The following PTPRA variants were observed in gnomAD, a reference collection of about 807,000 sequenced individuals.
PTPRA encodes protein tyrosine phosphatase receptor type A.
Under a neutral mutation model 104.8 loss-of-function variants are expected in PTPRA, and 25 were observed. The observed-to-expected ratio is 0.24, with a 90% CI of 0.17 to 0.33. The LOEUF (loss-of-function observed/expected upper bound fraction) is 0.33. Ranked by LOEUF, PTPRA falls within the 10% of genes least tolerant of loss-of-function variation. The probability of loss-of-function intolerance (pLI) is 1.00; values close to 1 mark genes in which losing one functional copy is unlikely to be tolerated. For missense variants in PTPRA, 765 were observed against 1,015.3 expected (o/e 0.75, Z 3.35); for synonymous variants, 323 against 368.9 (o/e 0.88, Z 1.43).
chr20:2,937,492 C>G (rs2060748454), intron 2 of PTPRA, among the ~76,000 whole-genome samples: 1 of 152,108 alleles, frequency 6.6e-6, no homozygotes, highest in Non-Finnish European at 1.5e-5. Flanking sequence ...ACTTCAGGGA[C>G]TGCTATAATT....
chr20:3,016,038 T>G (rs1469451915), intron 12 of PTPRA, among the ~76,000 whole-genome samples, 153 bp downstream of exon 12: 7 of 152,216 alleles, frequency 4.6e-5, no homozygotes, highest in Non-Finnish European at 8.8e-5. Flanking sequence ...TTATACAGGT[T>G]TACAGCTAAC....
intron 6 of PTPRA, among the ~76,000 whole-genome samples, chr20:2,979,400 T>A (rs578184006): frequency 2.6e-5 from 4 of 152,364 alleles, no homozygotes; most frequent in Admixed American, 2.6e-4. Context: ...ATCCAGTTCC[T>A]TTCTTTTCTA....
intron 5 of PTPRA, among the ~76,000 whole-genome samples, chr20:2,967,424 A>G (rs576283573): frequency 3.3e-5 from 5 of 152,294 alleles, no homozygotes; most frequent in African/African-American, 1.2e-4. Flanking sequence ...AACAGTTACA[A>G]TTTTTTATTA....
At chr20:2,970,021 C>G (rs1310282106) in intron 5 of PTPRA, among the ~76,000 whole-genome samples, 2 of 151,078 alleles carry the variant, frequency 1.3e-5, no homozygotes, top group Non-Finnish European at 2.9e-5. Flanking sequence ...CATATATATT[C>G]ATTTTTTCCA....
chr20:2,981,466 A>C (rs925904167), intron 6 of PTPRA, among the ~76,000 whole-genome samples: 2 of 152,212 alleles, frequency 1.3e-5, no homozygotes, highest in Non-Finnish European at 1.5e-5. Context: ...ACAGACATCT[A>C]ATAATTAGAG....
At chr20:2,948,300 C>T (rs2061214411) in intron 3 of PTPRA, among the ~76,000 whole-genome samples, 1 of 152,172 alleles carries the variant, frequency 6.6e-6, no homozygotes, top group African/African-American at 2.4e-5. Flanking sequence ...TTCCAGTTTA[C>T]CTACTATGTT....
chr20:2,869,601 A>G (rs964806914), upstream of PTPRA, among the ~76,000 whole-genome samples: 1 of 152,220 alleles, frequency 6.6e-6, no homozygotes, highest in Non-Finnish European at 1.5e-5. Flanking sequence ...GCTAGGAACT[A>G]GGACTGTGTA....
At position 2,969,410 on chromosome 20, in the gene PTPRA, G is replaced by A. The variant is rs375517200; in HGVS notation, c.415+4208G>A. 7.9e-5 allele frequency among the ~76,000 whole-genome samples: 12 copies of A among 151,814 alleles called. No homozygotes were observed. The South Asian group carries it at 1.0e-3, about 13-fold the overall frequency. On this transcript the variant is annotated intron_variant, in intron 5 of 23. Transcript: ENST00000399903. ...TTACACATGCCCACCACCACACCCA[G>A]CTGTTTTTTGTATTTTTAGTAGAGA...
In PTPRA at chr20:3,005,581, T is replaced by C. The variant is rs552022416; in HGVS notation, c.829+435T>C. On this transcript the variant is annotated intron_variant, in intron 10 of 23. Coordinates refer to ENST00000399903, the MANE Select transcript of PTPRA (RefSeq NM_001385305.1). ...AATAAAGTAAAAGAAATGAAATAAATAATAATAAATAAGATAAATAAATAA... is the reference window on the plus strand; with the variant it reads ...AATAAAGTAAAAGAAATGAAATAAACAATAATAAATAAGATAAATAAATAA... Among the ~76,000 whole-genome samples, 415 of 149,466 alleles carry C rather than the reference T, an allele frequency of 2.8e-3. 5 individuals are homozygous for C. Among genetic ancestry groups the C allele is most frequent in the Middle Eastern group, 6.8e-3 (2 of 292 alleles).
intron 1 of PTPRA, among the ~76,000 whole-genome samples, chr20:2,895,316 T>C (rs1385303938): frequency 6.6e-6 from 1 of 151,914 alleles, no homozygotes; most frequent in East Asian, 2.0e-4. Context: ...CCTCAAGTGA[T>C]CCACCCACCT....
chr20:2,980,996 C>T (rs2062650647), intron 6 of PTPRA, among the ~76,000 whole-genome samples: 1 of 151,902 alleles, frequency 6.6e-6, no homozygotes, highest in Non-Finnish European at 1.5e-5. Context: ...TTTTCTTTTT[C>T]CTTTCCTCTC....
intron 1 of PTPRA, among the ~76,000 whole-genome samples, chr20:2,878,591 C>A (rs189675300): frequency 6.6e-6 from 1 of 152,068 alleles, no homozygotes; most frequent in Non-Finnish European, 1.5e-5. Flanking sequence ...TTTTATACCC[C>A]TTGTTCAAAT....
chr20:2,876,114 A>T (rs2146750613), intron 1 of PTPRA, among the ~76,000 whole-genome samples: 1 of 152,350 alleles, frequency 6.6e-6, no homozygotes, highest in Non-Finnish European at 1.5e-5. Context: ...GGGGCAATAT[A>T]GGGCCAAATG....
the PTPRA span, chr20:2,864,729 C>G: frequency 6.7e-7 from 1 of 1,496,908 alleles, no homozygotes; most frequent in Non-Finnish European, 9.2e-7. The surrounding 1 kb of genome is among the most constrained non-coding windows in gnomAD (Gnocchi z 5.2). Flanking sequence ...CTTCAGGAAT[C>G]TAGGCCTTCG....
rs2065753061 is a variant in PTPRA, at chr20:3,035,506, G to A, written c.1921-79G>A. 1 of 1,482,718 alleles carries A rather than the reference G, an allele frequency of 6.7e-7. No individual in the cohort carries two copies. Among genetic ancestry groups the A allele is most frequent in the Non-Finnish European group, 9.3e-7 (1 of 1,075,290 alleles). The allele number at this position is 1,482,718 out of a possible 1,614,324, so 91.8% of individuals were successfully genotyped here. A position where few individuals can be genotyped will look rare whatever the true frequency, so the allele number is the denominator to read the frequency against. On this transcript the variant is annotated intron_variant, in intron 20 of 23. Transcript: ENST00000399903. The surrounding 1 kb of genome is among the most constrained non-coding windows in gnomAD (Gnocchi z 5.8). ...CGTAAGAGGTGGCTGTACTGAGAGG[G>A]GTCAGGCTGCTCGTGGGCAGTGCTG...
At position 2,948,005 on chromosome 20, in the gene PTPRA, T is replaced by C. The variant is rs2061202107; in HGVS notation, c.-26T>C. The C allele has an allele frequency of 9.1e-7, 1 of 1,092,952 alleles. No homozygotes were observed. Among genetic ancestry groups the C allele is most frequent in the Middle Eastern group, 2.4e-4 (1 of 4,190 alleles). The allele number at this position is 1,092,952 out of a possible 1,614,324, so 67.7% of individuals were successfully genotyped here. On this transcript the variant is annotated 5_prime_UTR_variant, in exon 3 of 24. The change abolishes the stop of an existing upstream ORF in the 5' untranslated region. Transcript: ENST00000399903. ...AGGACACATGTTCAAAGAGCATAAT[T>C]AACTTTTTAAAAGAAGCTAGTAAGT...
Position 3,024,335 on chromosome 20 carries a change from T to C in PTPRA, c.1465-137T>C, listed in dbSNP as rs541817902. On this transcript the variant is annotated intron_variant, in intron 16 of 23. Coordinates refer to ENST00000399903, the MANE Select transcript of PTPRA (RefSeq NM_001385305.1). ...CAAGTCCCACTTCACTAAATTGGGA[T>C]AATAAGAGGGAGTCCTTTTATTCCT... 8.8e-6 allele frequency: 8 copies of C among 911,538 alleles called. No individual in the cohort carries two copies. The East Asian group carries it at 1.7e-4, about 20-fold the overall frequency. The allele number at this position is 911,538 out of a possible 1,614,324, so 56.5% of individuals were successfully genotyped here.
Position 3,035,504 on chromosome 20 carries a change from G to C in PTPRA, c.1921-81G>C. Reference sequence around the variant, plus strand: ...AGCGTAAGAGGTGGCTGTACTGAGAGGGGTCAGGCTGCTCGTGGGCAGTGC... The same window carrying C: ...AGCGTAAGAGGTGGCTGTACTGAGACGGGTCAGGCTGCTCGTGGGCAGTGC... On this transcript the variant is annotated intron_variant, in intron 20 of 23. Transcript: ENST00000399903. The surrounding 1 kb of genome is among the most constrained non-coding windows in gnomAD (Gnocchi z 5.8). 1 of 1,472,326 alleles carries C rather than the reference G, an allele frequency of 6.8e-7. No homozygotes were observed. Among genetic ancestry groups the C allele is most frequent in the South Asian group, 1.2e-5 (1 of 82,052 alleles). 91.2% of individuals were successfully genotyped at this position (1,472,326 alleles called of 1,614,324 possible).
chr20:2,875,117 T>C lies in PTPRA; in HGVS notation c.-129+1357T>C, dbSNP rs567718776. Among the ~76,000 whole-genome samples, 75 of 152,304 alleles carry C rather than the reference T, an allele frequency of 4.9e-4. No homozygotes were observed. The South Asian group carries it at 0.015, about 31-fold the overall frequency. On this transcript the variant is annotated intron_variant, in intron 1 of 23. Transcript: ENST00000399903. ...ATTCTTTCCAATCTCTTCTCTCTTA[T>C]GCCTAGGCTCTGTTTATTTCCCGGT... is the stretch of plus-strand genomic sequence containing the variant.
Sources: allele counts gnomAD v4.1 joint callset (sites outside exome capture counted in the v4.1 genomes callset), GRCh38; gene constraint gnomAD v4.1.1; non-coding constraint Gnocchi (gnomAD v3.1); transcripts MANE v1.5; gene names NCBI Gene and HGNC (gene_info 2026-07-23, HGNC 2026-07-21).